The following CRISPLD1 variants were observed in gnomAD, a reference collection of about 807,000 sequenced individuals.
CRISPLD1 encodes cysteine-rich secretory protein LCCL domain-containing 1.
Under a neutral mutation model 77.5 loss-of-function variants are expected in CRISPLD1, and 60 were observed. That is an observed-to-expected ratio of 0.77 (90% CI 0.63 to 0.96). CRISPLD1 has a LOEUF of 0.96. Ranked by LOEUF, CRISPLD1 falls within the 40% of genes least tolerant of loss-of-function variation. CRISPLD1 has a pLI of 0.00. For synonymous variants in CRISPLD1, 195 were observed against 200.1 expected (o/e 0.97, Z 0.22); for missense variants, 623 against 615.8 (o/e 1.01, Z -0.12).
At chr8:75,014,281 G>A (rs1182445509) in intron 5 of CRISPLD1, among the ~76,000 whole-genome samples, 179 bp downstream of exon 5, 1 of 152,000 alleles carries the variant, frequency 6.6e-6, no homozygotes, top group Non-Finnish European at 1.5e-5. Flanking sequence ...TGCATAAAGG[G>A]GGATATGAAA....
chr8:75,018,113 T>C (rs2128786537), intron 10 of CRISPLD1, among the ~76,000 whole-genome samples: 1 of 152,306 alleles, frequency 6.6e-6, no homozygotes, highest in East Asian at 1.9e-4. Flanking sequence ...CTGAAGTTCA[T>C]ACAGAACTCC....
At chr8:74,988,781 G>C (rs565400714) in intron 2 of CRISPLD1, among the ~76,000 whole-genome samples, 171 of 152,268 alleles carry the variant, frequency 1.1e-3, no homozygotes, top group Admixed American at 3.1e-3. Flanking sequence ...GTTGTAGTAA[G>C]CTGAGATCAC....
chr8:75,016,294 T>C (rs1169781656), intron 6 of CRISPLD1, among the ~76,000 whole-genome samples: 1 of 152,162 alleles, frequency 6.6e-6, no homozygotes, highest in Non-Finnish European at 1.5e-5. Flanking sequence ...AACAATGATA[T>C]GTTGAAATAT....
At chr8:74,993,875 A>T (rs1443350972) in intron 2 of CRISPLD1, among the ~76,000 whole-genome samples, 1 of 152,220 alleles carries the variant, frequency 6.6e-6, no homozygotes. Flanking sequence ...TCTTCCTTGC[A>T]TGGAATAGAT....
In CRISPLD1 at chr8:75,016,637, A is replaced by C; in HGVS notation, c.800A>C (p.His267Pro). Residue 267 changes from histidine (H) to proline (P), a missense_variant, in exon 7 of 15, where the codon CAT becomes CCT. Coordinates refer to ENST00000262207, the MANE Select transcript of CRISPLD1 (RefSeq NM_031461.6). ...NEIERQQSQVHDTHVRTRSDD... is the reference protein window; with the variant it reads ...NEIERQQSQVPDTHVRTRSDD... ...ATAGAACGACAGCAGTCACAAGTCC[A>C]TGACACCCATGTCCGGACAAGATCA... 1 of 1,613,590 alleles carries C rather than the reference A, an allele frequency of 6.2e-7. No homozygotes were observed. Among genetic ancestry groups the C allele is most frequent in the Non-Finnish European group, 8.5e-7 (1 of 1,179,632 alleles).
chr8:74,986,306 A>ATGAAGACTGCT, intron 2 of CRISPLD1, 61 bp downstream of exon 2: 2 of 1,477,630 alleles, frequency 1.4e-6, no homozygotes, highest in Admixed American at 1.8e-5. Flanking sequence ...TTCAGTCAGC[A>ATGAAGACTGCT]GTCTTCATGC....
At chr8:74,996,446 G>A (rs1345991238) in intron 2 of CRISPLD1, among the ~76,000 whole-genome samples, 1 of 152,146 alleles carries the variant, frequency 6.6e-6, no homozygotes, top group Non-Finnish European at 1.5e-5. Flanking sequence ...AAAATAAGTA[G>A]AGTGAGGTGA....
intron 1 of CRISPLD1, 93 bp from the exon 2 acceptor site, chr8:74,985,833 C>A (rs1587001484): frequency 1.2e-6 from 1 of 809,296 alleles, no homozygotes; most frequent in Non-Finnish European, 2.0e-6. Flanking sequence ...ATCAAACTGG[C>A]ACACTTCCTT....
At chr8:75,003,774 C>T (rs992401264) in intron 2 of CRISPLD1, among the ~76,000 whole-genome samples, 2 of 151,908 alleles carry the variant, frequency 1.3e-5, no homozygotes, top group Admixed American at 6.6e-5. Flanking sequence ...AAACTTGGGG[C>T]AGGGGACCTT....
At chr8:74,987,713 A>C (rs1379232269) in intron 2 of CRISPLD1, among the ~76,000 whole-genome samples, 1 of 152,212 alleles carries the variant, frequency 6.6e-6, no homozygotes, top group Non-Finnish European at 1.5e-5. Context: ...CAGAGTAGCC[A>C]GTTCTGGAGC....
chr8:74,990,060 T>C (rs1372575346), intron 2 of CRISPLD1, among the ~76,000 whole-genome samples: 1 of 152,050 alleles, frequency 6.6e-6, no homozygotes. Context: ...TATGTGCACA[T>C]GGACATAGGA....
At position 75,017,392 on chromosome 8, in the gene CRISPLD1, A is replaced by G; in HGVS notation, c.1069A>G (p.Arg357Gly). Reference sequence around the variant, plus strand: ...TGATGGTGGCTGGGTAGATATCACTAGACAAGGAAGAAAGCATTATTTCAT... The same window carrying G: ...TGATGGTGGCTGGGTAGATATCACTGGACAAGGAAGAAAGCATTATTTCAT... ...DNDGGWVDIT[R>G]QGRKHYFIKS... is the part of the protein sequence containing the mutation. The change falls in exon 10 of 15, where the codon AGA (arginine) becomes GGA (glycine). Residue 357 changes from arginine to glycine, a missense_variant. Transcript: ENST00000262207. 4.3e-6 allele frequency: 7 copies of G among 1,611,218 alleles called. No individual in the cohort carries two copies. The highest frequency in any genetic ancestry group is 5.9e-6 in the Non-Finnish European group (7 of 1,178,412).
intron 12 of CRISPLD1, among the ~76,000 whole-genome samples, chr8:75,023,753 T>C (rs554814426): frequency 6.6e-4 from 100 of 151,802 alleles, no homozygotes; most frequent in African/African-American, 2.2e-3. Context: ...ATTGTGTGTT[T>C]TCCAGTTTTA....
At chr8:75,010,340 G>A (rs1380984850) in intron 2 of CRISPLD1, among the ~76,000 whole-genome samples, 2 of 152,036 alleles carry the variant, frequency 1.3e-5, no homozygotes, top group Non-Finnish European at 2.9e-5. Flanking sequence ...TCCCTAGGGT[G>A]TTTTCCTTTT....
chr8:75,017,203 T>C, intron 9 of CRISPLD1, 90 bp downstream of exon 9: 2 of 1,509,166 alleles, frequency 1.3e-6, no homozygotes, highest in Middle Eastern at 2.0e-4. Flanking sequence ...TACATAAGTA[T>C]AGATATTTTG....
At chr8:75,025,418 A>C in intron 12 of CRISPLD1, 128 bp from the exon 13 acceptor site, 1 of 288,966 alleles carries the variant, frequency 3.5e-6, no homozygotes, top group Non-Finnish European at 6.2e-6. Flanking sequence ...GACCTATTTC[A>C]GGAGAAAAAA....
intron 14 of CRISPLD1, among the ~76,000 whole-genome samples, chr8:75,030,581 C>G (rs575678780): frequency 1.3e-5 from 2 of 151,944 alleles, no homozygotes; most frequent in African/African-American, 4.8e-5. Context: ...TTTTGAGTAC[C>G]TACTATGAAT....
In CRISPLD1 at chr8:75,025,470, A is replaced by G. The variant is rs77131067; in HGVS notation, c.1245-76A>G. ...TGTTGAGCTTACTTTGTGTATGCAT[A>G]TCTGTGGTTTTACTAATAAGAAAGA... On this transcript the variant is annotated intron_variant, in intron 12 of 14. Transcript: ENST00000262207. The G allele has an allele frequency of 4.8e-3, 2,450 of 507,948 alleles. 55 individuals are homozygous for G. The Admixed American group carries it at 0.049, about 10-fold the overall frequency. The allele number at this position is 507,948 out of a possible 1,614,324, so 31.5% of individuals were successfully genotyped here. A position where few individuals can be genotyped will look rare whatever the true frequency, so the allele number is the denominator to read the frequency against.
chr8:75,029,539 G>A, intron 14 of CRISPLD1, 22 bp downstream of exon 14: 2 of 1,602,530 alleles, frequency 1.2e-6, no homozygotes, highest in South Asian at 1.1e-5. Context: ...ACATATGTAT[G>A]TATACTTTTA....
Sources: allele counts gnomAD v4.1 joint callset (sites outside exome capture counted in the v4.1 genomes callset), GRCh38; gene constraint gnomAD v4.1.1; transcripts MANE v1.5; gene names NCBI Gene and HGNC (gene_info 2026-07-23, HGNC 2026-07-21).